Variants in CADM2 observed in about 807,000 individuals in gnomAD.
The protein encoded by CADM2 is cell adhesion molecule 2.
A neutral mutation model predicts 49.8 loss-of-function variants in CADM2; 12 were observed. The observed-to-expected ratio is 0.24, with a 90% CI of 0.15 to 0.39. The LOEUF (loss-of-function observed/expected upper bound fraction) is 0.39, where lower values mean the gene tolerates loss of function less well. CADM2 is among the 10% of genes least tolerant of loss of function. CADM2 has a pLI of 1.00. For missense variants in CADM2, 378 were observed against 492.3 expected, an observed-to-expected ratio of 0.77 and a Z score of 2.20; for synonymous variants, 214 against 175.4, an observed-to-expected ratio of 1.22 and a Z score of -1.74.
rs115094843 is a variant in CADM2 at position 84,984,946 on chromosome 3, C to T, written c.61+25278C>T. Among the ~76,000 whole-genome samples the T allele has an allele frequency of 6.1e-3, 924 of 152,178 alleles. 3 individuals are homozygous for T. The highest frequency in any genetic ancestry group is 0.011 in the Non-Finnish European group (724 of 67,996). On this transcript the variant is annotated intron_variant, in intron 1 of 9. Coordinates refer to ENST00000383699, the MANE Select transcript of CADM2 (RefSeq NM_001167675.2). ...ATTTGGTACCCAGAGCTTTATGAGA[C>T]GGTGTTTCTAATAGTGAACTTTAAT...
At chr3:84,995,609 G>A (rs1392778858) in intron 1 of CADM2, among the ~76,000 whole-genome samples, 1 of 152,252 alleles carries the variant, frequency 6.6e-6, no homozygotes, top group East Asian at 1.9e-4. Context: ...ACATACTTCA[G>A]ACAATTTCTG....
chr3:85,295,992 A>T (rs1284171700), intron 1 of CADM2, among the ~76,000 whole-genome samples: 1 of 152,082 alleles, frequency 6.6e-6, no homozygotes, highest in Non-Finnish European at 1.5e-5. Context: ...ATTTTTATTA[A>T]GCTTGTCAGA....
intron 1 of CADM2, among the ~76,000 whole-genome samples, chr3:85,723,746 T>A (rs2067590046): frequency 6.6e-6 from 1 of 152,094 alleles, no homozygotes; most frequent in African/African-American, 2.4e-5. Flanking sequence ...TTATCCATCA[T>A]TATTTCACTA....
chr3:85,267,340 T>C (rs747240293), intron 1 of CADM2, among the ~76,000 whole-genome samples: 1 of 151,606 alleles, frequency 6.6e-6, no homozygotes, highest in Non-Finnish European at 1.5e-5. Context: ...TTTTCAAACA[T>C]GCAAGGCACA....
At chr3:85,857,076 G>C (rs899089111) in intron 3 of CADM2, among the ~76,000 whole-genome samples, 1 of 152,152 alleles carries the variant, frequency 6.6e-6, no homozygotes, top group African/African-American at 2.4e-5. Flanking sequence ...TTCTCTTTCA[G>C]GTTGTAGACC....
chr3:85,783,160 C>CT (rs2070760537), intron 2 of CADM2, among the ~76,000 whole-genome samples: 1 of 152,050 alleles, frequency 6.6e-6, no homozygotes, highest in African/African-American at 2.4e-5. Context: ...TATTCAGACA[C>CT]TTTTTTGTTT....
chr3:84,966,291 T>C (rs1340793887), intron 1 of CADM2, among the ~76,000 whole-genome samples: 1 of 152,110 alleles, frequency 6.6e-6, no homozygotes, highest in Non-Finnish European at 1.5e-5. Context: ...TATTTATATA[T>C]ATGCACATAT....
At chr3:85,972,480 CA>C (rs1726276923) in intron 8 of CADM2, among the ~76,000 whole-genome samples, 1 of 151,728 alleles carries the variant, frequency 6.6e-6, no homozygotes, top group Non-Finnish European at 1.5e-5. Context: ...TGACATAAAG[CA>C]GAAAGAAAGT....
Position 85,321,152 on chromosome 3 carries a change from T to A in CADM2, c.61+361484T>A, listed in dbSNP as rs1289150988. ...TTTTTTTTTTTTTTTTTTTTTTTTTTTTTTTTTTTTTTTTGCGAGAGAGAG... is the reference window on the plus strand; with the variant it reads ...TTTTTTTTTTTTTTTTTTTTTTTTTATTTTTTTTTTTTTTGCGAGAGAGAG... On this transcript the variant is annotated intron_variant, in intron 1 of 9. Coordinates refer to ENST00000383699, the MANE Select transcript of CADM2 (RefSeq NM_001167675.2). 8.8e-4 allele frequency among the ~76,000 whole-genome samples: 48 copies of A among 54,436 alleles called. 4 individuals are homozygous for A. The highest frequency in any genetic ancestry group is 4.3e-3 in the East Asian group (7 of 1,626). 35.7% of individuals were successfully genotyped at this position (54,436 alleles called of 152,430 possible). A position where few individuals can be genotyped will look rare whatever the true frequency, so the allele number is the denominator to read the frequency against.
intron 1 of CADM2, among the ~76,000 whole-genome samples, chr3:85,585,227 G>A (rs543494957): frequency 4.4e-4 from 67 of 151,956 alleles, no homozygotes; most frequent in South Asian, 1.7e-3. Context: ...ATCAACTGTG[G>A]CAGTATTACA....
At chr3:85,440,899 T>A (rs2037171724) in intron 1 of CADM2, among the ~76,000 whole-genome samples, 1 of 152,046 alleles carries the variant, frequency 6.6e-6, no homozygotes, top group Non-Finnish European at 1.5e-5. Flanking sequence ...GGAGAATAGC[T>A]TGAACTCAAG....
Position 85,336,604 on chromosome 3 carries a change from T to C in CADM2, c.61+376936T>C, listed in dbSNP as rs2045084822. ...ATTGTCAACTATCAATTTGGACTAATAGTCAACTAGAAATTGTTATATTAA... is the reference window on the plus strand; with the variant it reads ...ATTGTCAACTATCAATTTGGACTAACAGTCAACTAGAAATTGTTATATTAA... On this transcript the variant is annotated intron_variant, in intron 1 of 9. Transcript: ENST00000383699. Among the ~76,000 whole-genome samples the C allele has an allele frequency of 2.0e-5, 3 of 151,222 alleles. No homozygotes were observed. The Admixed American group carries it at 2.0e-4, about 10-fold the overall frequency.
intron 1 of CADM2, among the ~76,000 whole-genome samples, chr3:85,301,457 C>T (rs2044098829): frequency 6.6e-6 from 1 of 151,880 alleles, no homozygotes; most frequent in East Asian, 1.9e-4. Flanking sequence ...ATTTTACTTC[C>T]ATTTTTTAGG....
intron 1 of CADM2, among the ~76,000 whole-genome samples, chr3:85,665,353 A>G (rs2065533938): frequency 6.6e-6 from 1 of 151,900 alleles, no homozygotes; most frequent in South Asian, 2.1e-4. Context: ...TTCTGAAAAC[A>G]TTTTAAAGGT....
At chr3:85,876,873 G>A (rs1711925265) in intron 3 of CADM2, among the ~76,000 whole-genome samples, 1 of 151,956 alleles carries the variant, frequency 6.6e-6, no homozygotes, top group Non-Finnish European at 1.5e-5. Context: ...GTTAGAAATG[G>A]GCATAAAATG....
Position 86,071,336 on chromosome 3 carries a change from C to G in CADM2, c.*4553C>G, listed in dbSNP as rs1005162486. 6.6e-6 allele frequency: 1 copy of G among 151,576 alleles called. No homozygotes were observed. Among genetic ancestry groups the G allele is most frequent in the Non-Finnish European group, 1.5e-5 (1 of 67,698 alleles). 9.4% of individuals were successfully genotyped at this position (151,576 alleles called of 1,614,324 possible). A position where few individuals can be genotyped will look rare whatever the true frequency, so the allele number is the denominator to read the frequency against. ...CTTTTTCTATTCATTTTTTCCCTTTCTCTCTCTATTCTACCCCCAAACAAG... is the reference window on the plus strand; with the variant it reads ...CTTTTTCTATTCATTTTTTCCCTTTGTCTCTCTATTCTACCCCCAAACAAG... On this transcript the variant is annotated 3_prime_UTR_variant, in exon 10 of 10. Transcript: ENST00000383699.
At chr3:84,972,026 T>C (rs1212792416) in intron 1 of CADM2, among the ~76,000 whole-genome samples, 1 of 152,114 alleles carries the variant, frequency 6.6e-6, no homozygotes, top group Non-Finnish European at 1.5e-5. Context: ...GGAGGAGCTA[T>C]CAATGGACTA....
intron 1 of CADM2, among the ~76,000 whole-genome samples, chr3:85,074,125 C>A (rs1028566947): frequency 6.6e-6 from 1 of 152,048 alleles, no homozygotes; most frequent in Admixed American, 6.6e-5. Flanking sequence ...CCCGTTACCA[C>A]TTTCACCTCA....
intron 1 of CADM2, among the ~76,000 whole-genome samples, chr3:84,963,192 C>T (rs1575928134): frequency 6.6e-6 from 1 of 152,108 alleles, no homozygotes; most frequent in Non-Finnish European, 1.5e-5. Context: ...TTTCCCTCAT[C>T]ATAGAAAGAG....
Sources: allele counts gnomAD v4.1 joint callset (sites outside exome capture counted in the v4.1 genomes callset), GRCh38; gene constraint gnomAD v4.1.1; transcripts MANE v1.5; gene names NCBI Gene and HGNC (gene_info 2026-07-23, HGNC 2026-07-21).